Variants in RAD51B observed in about 807,000 individuals in gnomAD.
The protein encoded by RAD51B is DNA repair protein RAD51 homolog 2.
Under a neutral mutation model 42.2 loss-of-function variants are expected in RAD51B, and 38 were observed. That is an observed-to-expected ratio of 0.90 (90% CI 0.70 to 1.18). RAD51B has a LOEUF of 1.18. Ranked by LOEUF, RAD51B falls within the 50% of genes most tolerant of loss-of-function variation. The pLI, the probability that RAD51B is intolerant of heterozygous loss-of-function variation, is 0.00. For synonymous variants in RAD51B, 154 were observed against 145.2 expected, an observed-to-expected ratio of 1.06 and a Z score of -0.43; for missense variants, 373 against 400.7, an observed-to-expected ratio of 0.93 and a Z score of 0.59.
In RAD51B at chr14:68,682,910, C is replaced by CTTTTTTTTT. The variant is rs535044457; in HGVS notation, c.*11+32066_*11+32074dup. 1.7e-4 allele frequency: 118 copies of CTTTTTTTTT among 701,202 alleles called. No individual in the cohort carries two copies. In the East Asian group the frequency reaches 2.4e-3, roughly 14 times the overall value. 43.4% of individuals were successfully genotyped at this position (701,202 alleles called of 1,614,324 possible). On this transcript the variant is annotated intron_variant, in intron 11 of 11. Coordinates refer to the RAD51B transcript ENST00000488612. ...TTTAATAAAAATCTGTAGCTTATGG[C>CTTTTTTTTT]TTTTTTTTTTTTTTTTTTTTGTATA...
intron 7 of RAD51B, among the ~76,000 whole-genome samples, chr14:68,079,413 A>C (rs2076881018): frequency 6.6e-6 from 1 of 152,226 alleles, no homozygotes; most frequent in East Asian, 1.9e-4. Flanking sequence ...AAAAATATAC[A>C]TCAATCCCCA....
At chr14:68,240,034 C>T (rs2080348984) in intron 7 of RAD51B, among the ~76,000 whole-genome samples, 1 of 152,252 alleles carries the variant, frequency 6.6e-6, no homozygotes, top group African/African-American at 2.4e-5. Context: ...GCTGAGAGAC[C>T]TTCTCACTAA....
intron 5 of RAD51B, among the ~76,000 whole-genome samples, chr14:67,868,535 G>A (rs1180820507): frequency 6.6e-6 from 1 of 152,252 alleles, no homozygotes; most frequent in Non-Finnish European, 1.5e-5. Context: ...GCCCAGGCTT[G>A]CTTAGGTAAA....
chr14:68,556,838 C>T (rs1888872592), intron 10 of RAD51B, among the ~76,000 whole-genome samples: 1 of 152,182 alleles, frequency 6.6e-6, no homozygotes, highest in East Asian at 1.9e-4. Context: ...ATGGCGCCTG[C>T]ATACCCTTCC....
intron 11 of RAD51B, among the ~76,000 whole-genome samples, chr14:68,655,711 G>C (rs935035400): frequency 1.2e-4 from 19 of 152,226 alleles, no homozygotes; most frequent in African/African-American, 4.3e-4. Context: ...TCAGCCCCCA[G>C]AGTGGGCCTC....
At chr14:68,056,822 T>C (rs988381567) in intron 7 of RAD51B, among the ~76,000 whole-genome samples, 11 of 151,990 alleles carry the variant, frequency 7.2e-5, no homozygotes, top group African/African-American at 2.4e-4. Context: ...CTCACACCTG[T>C]AATCCCAACA....
intron 9 of RAD51B, among the ~76,000 whole-genome samples, chr14:68,467,962 T>C (rs2086025446): frequency 6.6e-6 from 1 of 152,174 alleles, no homozygotes; most frequent in Non-Finnish European, 1.5e-5. Flanking sequence ...GACAGAATAG[T>C]TGGAATAAGC....
intron 5 of RAD51B, among the ~76,000 whole-genome samples, chr14:67,870,408 C>T (rs1381733032): frequency 6.7e-6 from 1 of 149,360 alleles, no homozygotes; most frequent in African/African-American, 2.5e-5. Flanking sequence ...TATATGCACC[C>T]AATACAGGAG....
chr14:67,910,806 C>T (rs2043952732), intron 7 of RAD51B, among the ~76,000 whole-genome samples: 1 of 144,360 alleles, frequency 6.9e-6, no homozygotes, highest in Admixed American at 6.8e-5. Context: ...AAATAGTGAG[C>T]CCAATGTCAT....
intron 10 of RAD51B, among the ~76,000 whole-genome samples, chr14:68,645,540 C>T (rs1052652622): frequency 1.2e-4 from 18 of 152,160 alleles, no homozygotes; most frequent in African/African-American, 4.3e-4. Flanking sequence ...GATTCTAATA[C>T]AGTAATTCTA....
At chr14:68,147,817 A>G (rs1024068369) in intron 7 of RAD51B, among the ~76,000 whole-genome samples, 1 of 151,330 alleles carries the variant, frequency 6.6e-6, no homozygotes, top group African/African-American at 2.4e-5. Flanking sequence ...AAAAAAAAAA[A>G]GAGCTTTATT....
At chr14:68,588,964 A>G (rs1431061336) in intron 10 of RAD51B, among the ~76,000 whole-genome samples, 2 of 152,178 alleles carry the variant, frequency 1.3e-5, no homozygotes, top group African/African-American at 4.8e-5. Context: ...TGCTTTTCAA[A>G]TTAGTTTTGT....
At chr14:68,293,647 C>T (rs185031215) in intron 8 of RAD51B, among the ~76,000 whole-genome samples, 10 of 152,292 alleles carry the variant, frequency 6.6e-5, no homozygotes, top group Admixed American at 2.6e-4. Context: ...TTCTGCTTCT[C>T]GTCCCACATC....
chr14:68,170,947 C>T (rs76907422), intron 7 of RAD51B, among the ~76,000 whole-genome samples: 2,050 of 152,286 alleles, frequency 0.013, 47 homozygotes, highest in African/African-American at 0.047. Context: ...GTAAAATGTT[C>T]CTGTCTTGGT....
rs139006682 is a variant in RAD51B at position 68,082,872 on chromosome 14, A to G, written c.756+195668A>G. On this transcript the variant is annotated intron_variant, in intron 7 of 10. Transcript: ENST00000471583. The stretch of plus-strand genomic sequence containing the variant: ...GAACTGAGGTATTTATTGTGTTCTG[A>G]CACATCTGAGGTATTTGCATATAGA... Among the ~76,000 whole-genome samples the G allele has an allele frequency of 1.3e-3, 193 of 152,240 alleles. 2 individuals are homozygous for G. Among genetic ancestry groups the G allele is most frequent in the Admixed American group, 8.9e-3 (136 of 15,294 alleles).
chr14:67,831,529 G>A (rs1009362922), intron 3 of RAD51B, among the ~76,000 whole-genome samples: 1 of 151,976 alleles, frequency 6.6e-6, no homozygotes, highest in African/African-American at 2.4e-5. Flanking sequence ...GTTTTGTTCT[G>A]TTAGTTCATT....
chr14:68,081,420 G>T (rs1047926897), intron 7 of RAD51B, among the ~76,000 whole-genome samples: 1 of 152,146 alleles, frequency 6.6e-6, no homozygotes, highest in African/African-American at 2.4e-5. Context: ...CGGTTCACTC[G>T]ATCACATTAT....
intron 8 of RAD51B, among the ~76,000 whole-genome samples, chr14:68,310,620 C>T (rs1452978680): frequency 6.6e-6 from 1 of 152,014 alleles, no homozygotes; most frequent in Admixed American, 6.6e-5. Flanking sequence ...CCGAGGTGGG[C>T]AGATCACTTT....
chr14:68,059,668 C>G (rs2076538266), intron 7 of RAD51B, among the ~76,000 whole-genome samples: 1 of 152,158 alleles, frequency 6.6e-6, no homozygotes, highest in Non-Finnish European at 1.5e-5. Context: ...GTAGTTTTTT[C>G]TATATGCGTC....
Sources: gnomAD v4.1 joint callset for allele counts (sites outside exome capture counted in the v4.1 genomes callset) on GRCh38, gnomAD v4.1.1 for gene constraint, MANE v1.5 for transcripts, NCBI Gene and HGNC (gene_info 2026-07-23, HGNC 2026-07-21) for gene names.